HHIPL2: variants seen among roughly 807,000 people sequenced by gnomAD.
HHIPL2 encodes the protein HHIP-like protein 2.
Under a neutral mutation model 61.0 loss-of-function variants are expected in HHIPL2, and 61 were observed. The observed-to-expected ratio is 1.00, with a 90% confidence interval of 0.81 to 1.24. The LOEUF (loss-of-function observed/expected upper bound fraction) is 1.24. HHIPL2 is among the 50% of genes most tolerant of loss of function. HHIPL2 has a pLI of 0.00. For missense variants in HHIPL2, 885 were observed against 910.2 expected, an observed-to-expected ratio of 0.97 and a Z score of 0.36; for synonymous variants, 343 against 357.4, an observed-to-expected ratio of 0.96 and a Z score of 0.45.
chr1:222,530,914 C>T (rs1418779592), intron 6 of HHIPL2, among the ~76,000 whole-genome samples: 3 of 151,754 alleles, frequency 2.0e-5, no homozygotes, highest in Non-Finnish European at 4.4e-5. Flanking sequence ...AGTTCACTGT[C>T]CTCACATAAA....
Position 222,538,648 on chromosome 1 carries a change from C to T in HHIPL2, c.1577G>A (p.Gly526Asp). The T allele has an allele frequency of 6.2e-7, 1 of 1,613,040 alleles. No individual in the cohort carries two copies. The highest frequency in any genetic ancestry group is 1.1e-5 in the South Asian group (1 of 90,984). Reference protein sequence around the residue: ...GLYIFGDFMSGRLMALQEDRK... With the variant: ...GLYIFGDFMSDRLMALQEDRK... ...AGAAGGGACATCAGTCCTTCCTTAC[C>T]CACTCATGAAGTCTCCAAAGATATA... is the stretch of plus-strand genomic sequence containing the variant. The change falls in exon 5 of 9, where the codon GGT becomes GAT. Residue 526 changes from glycine to aspartate, a missense_variant and splice_region_variant. Gly to Asp is a moderately conservative substitution (Grantham distance 94). Transcript: ENST00000343410.
At position 222,547,883 on chromosome 1, in the gene HHIPL2, G is replaced by C; in HGVS notation, c.162C>G (p.Pro54=). 6.2e-7 allele frequency: 1 copy of C among 1,614,090 alleles called. No homozygotes were observed. The highest frequency in any genetic ancestry group is 8.5e-7 in the Non-Finnish European group (1 of 1,179,972). The change falls in exon 1 of 9, where the codon CCC becomes CCG. Residue 54 remains proline, a synonymous_variant. Transcript: ENST00000343410. Reference sequence around the variant, plus strand: ...CAGAGCAAAACTCAAGGTGCAGAGGGGGCTGGAAAGGGGGCCCGTAATCCA... The same window carrying C: ...CAGAGCAAAACTCAAGGTGCAGAGGCGGCTGGAAAGGGGGCCCGTAATCCA... ...QCLDYGPPFQ[P]PLHLEFCSDY...
chr1:222,538,246 G>GTGTGTGTGTGTGTA (rs1196912536), intron 5 of HHIPL2, among the ~76,000 whole-genome samples: 4 of 125,740 alleles, frequency 3.2e-5, no homozygotes, highest in Non-Finnish European at 5.0e-5. Context: ...GTGTGTGTGT[G>GTGTGTGTGTGTGTA]TGTATGTATG....
chr1:222,540,030 A>C lies in HHIPL2; in HGVS notation c.1430T>G (p.Leu477Arg), dbSNP rs1173125317. The C allele has an allele frequency of 6.2e-7, 1 of 1,613,844 alleles. No individual in the cohort carries two copies. Among genetic ancestry groups the C allele is most frequent in the Non-Finnish European group, 8.5e-7 (1 of 1,179,882 alleles). The change falls in exon 4 of 9, where the codon CTT (leucine) becomes CGT (arginine). Residue 477 changes from leucine to arginine, a missense_variant. Coordinates refer to ENST00000343410, the MANE Select transcript of HHIPL2 (RefSeq NM_024746.4). ...CTTACCCAAAGAGGCATTGTGACAAAGTTTTTTGTCATAACATGCAAACCC... is the reference window on the plus strand; with the variant it reads ...CTTACCCAAAGAGGCATTGTGACAACGTTTTTTGTCATAACATGCAAACCC... ...KEGFACYDKK[L>R]CHNASLDDVL...
intron 1 of HHIPL2, among the ~76,000 whole-genome samples, chr1:222,545,968 C>G (rs1183087799): frequency 2.6e-5 from 4 of 151,986 alleles, no homozygotes; most frequent in Non-Finnish European, 5.9e-5. Flanking sequence ...TCGCTTGAAG[C>G]CGGGAGGCAG....
chr1:222,532,023 G>A lies in HHIPL2; in HGVS notation c.1666C>T (p.Pro556Ser). 6.2e-7 allele frequency: 1 copy of A among 1,613,668 alleles called. No individual in the cohort carries two copies. The highest frequency in any genetic ancestry group is 1.1e-5 in the South Asian group (1 of 91,060). ...TTGCTATGGGTGCTGATCAGCCCTGGGAAGGCACAGGACGTGGTGCTGCCC... is the reference window on the plus strand; with the variant it reads ...TTGCTATGGGTGCTGATCAGCCCTGAGAAGGCACAGGACGTGGTGCTGCCC... ...CLGSTTSCAFPGLISTHSKFI... is the reference protein window; with the variant it reads ...CLGSTTSCAFSGLISTHSKFI... The change falls in exon 6 of 9, where the codon CCA (proline) becomes TCA (serine). Residue 556 changes from proline (P) to serine (S), a missense_variant. By Grantham distance (74) the Pro-to-Ser change is moderately conservative. Coordinates refer to ENST00000343410, the MANE Select transcript of HHIPL2 (RefSeq NM_024746.4).
At chr1:222,527,127 G>T (rs1187817154) in intron 6 of HHIPL2, 77 bp from the exon 7 acceptor site, 3 of 1,159,148 alleles carry the variant, frequency 2.6e-6, no homozygotes, top group South Asian at 2.7e-5. Context: ...CACAGAAAAT[G>T]GTCAAAAAGA....
Position 222,547,949 on chromosome 1 carries a change from C to G in HHIPL2, c.96G>C (p.Leu32Phe), listed in dbSNP as rs1435985534. 1.2e-6 allele frequency: 2 copies of G among 1,612,760 alleles called. No individual in the cohort carries two copies. The highest frequency in any genetic ancestry group is 1.3e-5 in the African/African-American group (1 of 74,894). ...CCTGCAGCAAGCCCACCTGGCCCAA[C>G]AAGAATATGAGGCAGAGGCAGAGAA... is the stretch of plus-strand genomic sequence containing the variant. ...SGILCLCLIF[L>F]LGQVGLLQGH... The change falls in exon 1 of 9, where the codon TTG becomes TTC. Residue 32 changes from leucine (L) to phenylalanine (F), a missense_variant. By Grantham distance (22) the Leu-to-Phe change is conservative. Coordinates refer to ENST00000343410, the MANE Select transcript of HHIPL2 (RefSeq NM_024746.4).
Position 222,537,631 on chromosome 1 carries a change from C to CA in HHIPL2, c.1577+1016dup, listed in dbSNP as rs755361476. 3.3e-3 allele frequency among the ~76,000 whole-genome samples: 263 copies of CA among 80,384 alleles called. 1 individual carries two copies. Among genetic ancestry groups the CA allele is most frequent in the Middle Eastern group, 0.014 (2 of 142 alleles). 52.7% of individuals were successfully genotyped at this position (80,384 alleles called of 152,430 possible). ...TGGCCGACAGAGCGAGACTCCATCT[C>CA]AAAAAAAAAAAAAAAGAAAGTAAAA... On this transcript the variant is annotated intron_variant, in intron 5 of 8. Transcript: ENST00000343410.
At chr1:222,538,421 G>T (rs1015979843) in intron 5 of HHIPL2, among the ~76,000 whole-genome samples, 3 of 148,362 alleles carry the variant, frequency 2.0e-5, no homozygotes, top group Non-Finnish European at 4.5e-5. Flanking sequence ...ATGAGAGAGA[G>T]ACAGAGAGAG....
At chr1:222,539,866 G>A (rs35746652) in intron 4 of HHIPL2, 144 bp downstream of exon 4, 207,848 of 662,244 alleles carry the variant, frequency 0.31, 35,087 homozygotes, top group East Asian at 0.54. Context: ...CTGGAGGACC[G>A]GTTGGAGAAG....
chr1:222,525,765 G>A (rs926376199), intron 7 of HHIPL2, among the ~76,000 whole-genome samples: 1 of 152,166 alleles, frequency 6.6e-6, no homozygotes, highest in Non-Finnish European at 1.5e-5. Flanking sequence ...TTGGGAGGTT[G>A]AGGCAGGTGG....
chr1:222,535,083 G>GA (rs906989760), intron 5 of HHIPL2, among the ~76,000 whole-genome samples: 11 of 151,652 alleles, frequency 7.3e-5, no homozygotes, highest in South Asian at 6.2e-4. Flanking sequence ...GCAGCCATAG[G>GA]AAAAAAAATG....
In HHIPL2 at chr1:222,544,092, A is replaced by G; in HGVS notation, c.419T>C (p.Phe140Ser). The change falls in exon 2 of 9, where the codon TTC (phenylalanine) becomes TCC (serine). Residue 140 changes from phenylalanine to serine, a missense_variant. By Grantham distance (155) the Phe-to-Ser change is radical. Coordinates refer to ENST00000343410, the MANE Select transcript of HHIPL2 (RefSeq NM_024746.4). ...PGLCSDYCSA[F>S]HSNCHSAISL... ...AATGGCTGAGTGACAGTTAGAATGG[A>G]AGGCAGAGCAGTAATCAGAGCAGAG... is the stretch of plus-strand genomic sequence containing the variant. The G allele has an allele frequency of 1.2e-6, 2 of 1,614,172 alleles. No individual in the cohort carries two copies. Among genetic ancestry groups the G allele is most frequent in the South Asian group, 2.2e-5 (2 of 91,082 alleles).
intron 5 of HHIPL2, among the ~76,000 whole-genome samples, chr1:222,537,861 GAGAC>G: frequency 6.6e-6 from 1 of 152,024 alleles, no homozygotes; most frequent in Non-Finnish European, 1.5e-5. Flanking sequence ...CAAACACTAA[GAGAC>G]AGGTAAATAT....
chr1:222,524,684 G>C (rs927347104), intron 7 of HHIPL2, among the ~76,000 whole-genome samples: 9 of 152,104 alleles, frequency 5.9e-5, no homozygotes, highest in Non-Finnish European at 8.8e-5. Context: ...AGGGTAGGAG[G>C]AAAAAATGGG....
chr1:222,534,339 T>A (rs1056506612), intron 5 of HHIPL2, among the ~76,000 whole-genome samples: 1 of 152,098 alleles, frequency 6.6e-6, no homozygotes, highest in Non-Finnish European at 1.5e-5. Context: ...CCATTGAAAG[T>A]GACACAGAAC....
intron 6 of HHIPL2, among the ~76,000 whole-genome samples, chr1:222,528,682 C>CCATTACA (rs528073776): frequency 1.1e-3 from 173 of 152,264 alleles, no homozygotes; most frequent in African/African-American, 2.7e-3. Flanking sequence ...AATGTTTGTG[C>CCATTACA]CATTACACTG....
At chr1:222,523,801 CT>C in intron 7 of HHIPL2, 107 bp from the exon 8 acceptor site, 1 of 998,514 alleles carries the variant, frequency 1.0e-6, no homozygotes, top group Non-Finnish European at 1.6e-6. Context: ...TCAGCCTTTA[CT>C]TATCCATGGG....
Sources: allele counts gnomAD v4.1 joint callset (sites outside exome capture counted in the v4.1 genomes callset), GRCh38; gene constraint gnomAD v4.1.1; transcripts MANE v1.5; gene names NCBI Gene and HGNC (gene_info 2026-07-23, HGNC 2026-07-21).